Variants in C6orf132 observed in about 807,000 individuals in gnomAD.
The protein encoded by C6orf132 is uncharacterized protein C6orf132.
A neutral mutation model predicts 65.3 loss-of-function variants in C6orf132; 43 were observed. That is an observed-to-expected ratio of 0.66 (90% confidence interval 0.52 to 0.85). C6orf132 has a LOEUF of 0.85. Among genes scored for constraint, C6orf132 ranks in the 40% least tolerant of loss-of-function variants. The pLI is 0.00. For missense variants in C6orf132, 1,488 were observed against 1,548.8 expected (o/e 0.96, Z 0.66); for synonymous variants, 631 against 654.1 (o/e 0.96, Z 0.54).
chr6:42,139,304 C>T (rs150065016), intron 1 of C6orf132, among the ~76,000 whole-genome samples: 16 of 152,322 alleles, frequency 1.1e-4, no homozygotes, highest in African/African-American at 3.6e-4. Flanking sequence ...GCTCAGTTTC[C>T]TCTATTCTAC....
At chr6:42,127,160 G>T (rs934828442) in intron 2 of C6orf132, among the ~76,000 whole-genome samples, 1 of 152,096 alleles carries the variant, frequency 6.6e-6, no homozygotes, top group Non-Finnish European at 1.5e-5. Flanking sequence ...GGGCTATATT[G>T]CCCAGGCTAG....
At chr6:42,121,044 T>C (rs1766675692) in intron 2 of C6orf132, among the ~76,000 whole-genome samples, 2 of 152,226 alleles carry the variant, frequency 1.3e-5, no homozygotes, top group Non-Finnish European at 2.9e-5. Context: ...GACATATAGA[T>C]GGTGCTCAAG....
Position 42,104,517 on chromosome 6 carries a change from G to A in C6orf132, c.3395C>T (p.Ala1132Val). 2.4e-6 allele frequency: 3 copies of A among 1,235,002 alleles called. No individual in the cohort carries two copies. The highest frequency in any genetic ancestry group is 3.0e-6 in the Non-Finnish European group (3 of 990,410). 76.5% of individuals were successfully genotyped at this position (1,235,002 alleles called of 1,614,324 possible). A position where few individuals can be genotyped will look rare whatever the true frequency, so the allele number is the denominator to read the frequency against. ...LEGAARGAAE[A>V]KHKAPGSADY... is the part of the protein sequence containing the mutation. ...GGCGCTGCCGGGCGCTTTGTGCTTGGCCTCCGCGGCGCCCCGGGCGGCGCC... is the reference window on the plus strand; with the variant it reads ...GGCGCTGCCGGGCGCTTTGTGCTTGACCTCCGCGGCGCCCCGGGCGGCGCC... Residue 1132 changes from alanine to valine, a missense_variant, in exon 4 of 5, where the codon GCC becomes GTC. Ala to Val is a moderately conservative substitution (Grantham distance 64). Transcript: ENST00000341865. The surrounding 1 kb of genome is among the most constrained non-coding windows in gnomAD (Gnocchi z 4.1).
Position 42,110,370 on chromosome 6 carries a change from T to C in C6orf132, c.253-79A>G, listed in dbSNP as rs1191524386. On this transcript the variant is annotated intron_variant, in intron 2 of 4. Transcript: ENST00000341865. ...TCAAACTGCTGCTCTTTGAGGCCAT[T>C]TTACTGCTTGAAAATCTGCAGTGAC... 38 of 1,155,754 alleles carry C rather than the reference T, an allele frequency of 3.3e-5. No individual in the cohort carries two copies. In the Middle Eastern group the frequency reaches 1.8e-3, roughly 54 times the overall value. 71.6% of individuals were successfully genotyped at this position (1,155,754 alleles called of 1,614,324 possible). A position where few individuals can be genotyped will look rare whatever the true frequency, so the allele number is the denominator to read the frequency against.
At chr6:42,123,735 G>A (rs1289475318) in intron 2 of C6orf132, among the ~76,000 whole-genome samples, 2 of 152,164 alleles carry the variant, frequency 1.3e-5, no homozygotes, top group Non-Finnish European at 2.9e-5. Flanking sequence ...AGCCTGGGGA[G>A]AAGGCCTGGC....
chr6:42,107,481 G>C lies in C6orf132; in HGVS notation c.431C>G (p.Pro144Arg). The stretch of plus-strand genomic sequence containing the variant: ...CTGAGGGGGCCCTGGGGCTGGGCCT[G>C]GGGGAGGTGGGGGGATGAGTAGATC... ...GQDLLIPPPP[P>R]GPAPGPPQDI... The change falls in exon 4 of 5, where the codon CCA (proline) becomes CGA (arginine). Residue 144 changes from proline to arginine, a missense_variant. Transcript: ENST00000341865. 6 of 1,546,418 alleles carry C rather than the reference G, an allele frequency of 3.9e-6. No homozygotes were observed. The highest frequency in any genetic ancestry group is 4.4e-6 in the Non-Finnish European group (5 of 1,144,380).
intron 2 of C6orf132, among the ~76,000 whole-genome samples, chr6:42,118,608 G>A (rs946903000): frequency 6.6e-6 from 1 of 152,214 alleles, no homozygotes; most frequent in Non-Finnish European, 1.5e-5. Flanking sequence ...GCATCTGAGC[G>A]TGCTCCTGGT....
chr6:42,105,175 G>T lies in C6orf132; in HGVS notation c.2737C>A (p.Pro913Thr). 1.3e-6 allele frequency: 2 copies of T among 1,537,186 alleles called. No individual in the cohort carries two copies. Among genetic ancestry groups the T allele is most frequent in the South Asian group, 2.4e-5 (2 of 84,068 alleles). Reference sequence around the variant, plus strand: ...CCCAGCCGCGGCCCCCACTTATTGGGTATTTCGGTCGTCAGCGGGGAGTCC... The same window carrying T: ...CCCAGCCGCGGCCCCCACTTATTGGTTATTTCGGTCGTCAGCGGGGAGTCC... ...EKDSPLTTEI[P>T]NKWGPRLGRD... The change falls in exon 4 of 5, where the codon CCC (proline) becomes ACC (threonine). Residue 913 changes from proline (P) to threonine (T), a missense_variant. By Grantham distance (38) the Pro-to-Thr change is conservative. Coordinates refer to ENST00000341865, the MANE Select transcript of C6orf132 (RefSeq NM_001164446.3).
At chr6:42,128,643 C>A (rs957629706) in intron 2 of C6orf132, 29 bp downstream of exon 2, 62 of 1,529,560 alleles carry the variant, frequency 4.1e-5, no homozygotes, top group Admixed American at 1.4e-4. Context: ...AGAGCAGACT[C>A]TCCAACCTCA....
In C6orf132 at chr6:42,107,273, G is replaced by T; in HGVS notation, c.639C>A (p.Asp213Glu). Reference sequence around the variant, plus strand: ...CCAAGGGTGGGGCAGGGGGAATGAAGTCAGGAGGGGTGGGTATGGATGGGG... The same window carrying T: ...CCAAGGGTGGGGCAGGGGGAATGAATTCAGGAGGGGTGGGTATGGATGGGG... ...LSSPSIPTPP[D>E]FIPPAPPLAF... The change falls in exon 4 of 5, where the codon GAC becomes GAA. Residue 213 changes from aspartate to glutamate, a missense_variant. Asp to Glu is a conservative substitution (Grantham distance 45, BLOSUM62 2). Transcript: ENST00000341865. 3 of 1,204,646 alleles carry T rather than the reference G, an allele frequency of 2.5e-6. No individual in the cohort carries two copies. The highest frequency in any genetic ancestry group is 2.7e-5 in the East Asian group (1 of 36,496). 74.6% of individuals were successfully genotyped at this position (1,204,646 alleles called of 1,614,324 possible). A position where few individuals can be genotyped will look rare whatever the true frequency, so the allele number is the denominator to read the frequency against.
intron 2 of C6orf132, among the ~76,000 whole-genome samples, chr6:42,127,213 C>T (rs1159262893): frequency 1.3e-5 from 2 of 152,286 alleles, no homozygotes; most frequent in Non-Finnish European, 2.9e-5. Flanking sequence ...CCTCGGCCTC[C>T]CAAAGTGCTA....
Position 42,122,580 on chromosome 6 carries a change from C to T in C6orf132, c.252+6092G>A, listed in dbSNP as rs557133811. Among the ~76,000 whole-genome samples, 11 of 152,288 alleles carry T rather than the reference C, an allele frequency of 7.2e-5. No homozygotes were observed. The East Asian group carries it at 1.7e-3, about 24-fold the overall frequency. ...TTGCACTCTCGTGGCAGGCCTAACA[C>T]CCCACACCCCTCAACCCTTTGGCCT... On this transcript the variant is annotated intron_variant, in intron 2 of 4. Coordinates refer to ENST00000341865, the MANE Select transcript of C6orf132 (RefSeq NM_001164446.3).
At chr6:42,131,038 A>G (rs1766844458) in intron 1 of C6orf132, among the ~76,000 whole-genome samples, 1 of 152,158 alleles carries the variant, frequency 6.6e-6, no homozygotes, top group Non-Finnish European at 1.5e-5. Flanking sequence ...GGTGTGCACC[A>G]CCACGCCCAG....
chr6:42,123,796 C>G lies in C6orf132; in HGVS notation c.252+4876G>C, dbSNP rs149262546. On this transcript the variant is annotated intron_variant, in intron 2 of 4. Transcript: ENST00000341865. ...AGTGGCCTGGACAGGGCCCTCCCCT[C>G]CCCAGGCCGCAGTATTCTCATCTTG... 1.4e-4 allele frequency among the ~76,000 whole-genome samples: 21 copies of G among 152,284 alleles called. No homozygotes were observed. The East Asian group carries it at 4.1e-3, about 29-fold the overall frequency.
chr6:42,107,470 G>C lies in C6orf132; in HGVS notation c.442C>G (p.Pro148Ala). 6.5e-7 allele frequency: 1 copy of C among 1,545,864 alleles called. No homozygotes were observed. Among genetic ancestry groups the C allele is most frequent in the Non-Finnish European group, 8.7e-7 (1 of 1,144,512 alleles). The stretch of plus-strand genomic sequence containing the variant: ...TCTGAAATGTCCTGAGGGGGCCCTG[G>C]GGCTGGGCCTGGGGGAGGTGGGGGG... ...LIPPPPPGPA[P>A]GPPQDISEPP... Residue 148 changes from proline to alanine, a missense_variant, in exon 4 of 5, where the codon CCA becomes GCA. Pro to Ala is a conservative substitution (Grantham distance 27, BLOSUM62 -1). Transcript: ENST00000341865.
chr6:42,123,867 C>T (rs1039407772), intron 2 of C6orf132, among the ~76,000 whole-genome samples: 1 of 152,184 alleles, frequency 6.6e-6, no homozygotes, highest in Non-Finnish European at 1.5e-5. Context: ...TGGCTCAAAT[C>T]CAGCTCCTCA....
At chr6:42,118,030 C>T (rs776611690) in intron 2 of C6orf132, among the ~76,000 whole-genome samples, 4 of 151,274 alleles carry the variant, frequency 2.6e-5, no homozygotes, top group Non-Finnish European at 4.4e-5. Context: ...AGTAACTTCT[C>T]ACTCTGGTCT....
chr6:42,104,700 G>C lies in C6orf132; in HGVS notation c.3212C>G (p.Pro1071Arg), dbSNP rs1002919410. The change falls in exon 4 of 5, where the codon CCG (proline) becomes CGG (arginine). Residue 1071 changes from proline (P) to arginine (R), a missense_variant. Transcript: ENST00000341865. This position sits in a 1 kb window ranked among gnomAD's most constrained non-coding sequence, Gnocchi z 4.1. The stretch of plus-strand genomic sequence containing the variant: ...GTGGGGTAGCCCTGGGCCTCGGTGC[G>C]GCTCCCCGACGTACAGGCGCTTCTT... Reference protein sequence around the residue: ...LIKKRLYVGEPHRGPGLPHGG... With the variant: ...LIKKRLYVGERHRGPGLPHGG... 8 of 1,520,228 alleles carry C rather than the reference G, an allele frequency of 5.3e-6. No individual in the cohort carries two copies. The Admixed American group carries it at 1.2e-4, about 23-fold the overall frequency. 94.2% of individuals were successfully genotyped at this position (1,520,228 alleles called of 1,614,324 possible). A position where few individuals can be genotyped will look rare whatever the true frequency, so the allele number is the denominator to read the frequency against.
At position 42,132,342 on chromosome 6, in the gene C6orf132, C is replaced by T. The variant is rs564168498; in HGVS notation, c.146-3564G>A. On this transcript the variant is annotated intron_variant, in intron 1 of 4. Coordinates refer to ENST00000341865, the MANE Select transcript of C6orf132 (RefSeq NM_001164446.3). ...CATCCTGGCTAACATGGTGAAACCCCGTCTCTACTAAAAATACAAAAAATT... is the reference window on the plus strand; with the variant it reads ...CATCCTGGCTAACATGGTGAAACCCTGTCTCTACTAAAAATACAAAAAATT... Among the ~76,000 whole-genome samples the T allele has an allele frequency of 6.9e-4, 99 of 144,240 alleles. 1 individual carries two copies. The highest frequency in any genetic ancestry group is 2.2e-3 in the African/African-American group (87 of 38,802). The allele number at this position is 144,240 out of a possible 152,430, so 94.6% of individuals were successfully genotyped here.
Sources: gnomAD v4.1 joint callset for allele counts (sites outside exome capture counted in the v4.1 genomes callset) on GRCh38, gnomAD v4.1.1 for gene constraint, Gnocchi (gnomAD v3.1) non-coding constraint, MANE v1.5 for transcripts, NCBI Gene and HGNC (gene_info 2026-07-23, HGNC 2026-07-21) for gene names.